KIRREL2: variants seen among roughly 807,000 people sequenced by gnomAD.
KIRREL2 encodes the protein kirre like nephrin family adhesion molecule 2.
Under a neutral mutation model 73.4 loss-of-function variants are expected in KIRREL2, and 56 were observed. The observed-to-expected ratio is 0.76, with a 90% CI of 0.62 to 0.95. KIRREL2 has a LOEUF of 0.95. Ranked by LOEUF, KIRREL2 falls within the 40% of genes least tolerant of loss-of-function variation. The pLI is 0.00. For missense variants in KIRREL2, 896 were observed against 935.0 expected (o/e 0.96, Z 0.54); for synonymous variants, 407 against 404.0 (o/e 1.01, Z -0.09).
At chr19:35,858,244 GT>G (rs1334731027) in intron 2 of KIRREL2, among the ~76,000 whole-genome samples, 163 bp from the exon 3 acceptor site, 1 of 152,102 alleles carries the variant, frequency 6.6e-6, no homozygotes, top group East Asian at 1.9e-4. Context: ...GTGACTCTGG[GT>G]TGGGAGGGAG....
intron 2 of KIRREL2, 70 bp downstream of exon 2, chr19:35,857,564 A>G (rs906166293): frequency 4.2e-6 from 6 of 1,424,960 alleles, no homozygotes; most frequent in Non-Finnish European, 5.6e-6. Flanking sequence ...CTGTACCTGC[A>G]GTTTCTATTT....
Position 35,864,709 on chromosome 19 carries a change from C to T in KIRREL2, c.1787C>T (p.Thr596Ile), listed in dbSNP as rs758550296. ...LVLEEEGTLE[T>I]KDPTNGYYKV... Reference sequence around the variant, plus strand: ...CTGGAGGAGGAAGGGACTCTGGAGACCAAGGTGAGTGTTGAGAGGGGTGGG... The same window carrying T: ...CTGGAGGAGGAAGGGACTCTGGAGATCAAGGTGAGTGTTGAGAGGGGTGGG... The change falls in exon 14 of 15, where the codon ACC (threonine) becomes ATC (isoleucine). Residue 596 changes from threonine (T) to isoleucine (I), a missense_variant. Physicochemically the swap from Thr to Ile is moderately conservative, Grantham distance 89. Transcript: ENST00000360202. 1 of 1,611,314 alleles carries T rather than the reference C, an allele frequency of 6.2e-7. No individual in the cohort carries two copies. The highest frequency in any genetic ancestry group is 8.5e-7 in the Non-Finnish European group (1 of 1,177,514).
Position 35,861,964 on chromosome 19 carries a change from A to C in KIRREL2, c.1450A>C (p.Asn484His). ...GGAGTCTGACTTTAGCAGGAGCTTT[A>C]ACTGCAGTGCCCGGAACCGGCTGGG... ...TQESDFSRSF[N>H]CSARNRLGEG... The change falls in exon 11 of 15, where the codon AAC becomes CAC. Residue 484 changes from asparagine (N) to histidine (H), a missense_variant. Transcript: ENST00000360202. 6.2e-7 allele frequency: 1 copy of C among 1,613,182 alleles called. No homozygotes were observed. Among genetic ancestry groups the C allele is most frequent in the South Asian group, 1.1e-5 (1 of 90,814 alleles).
At chr19:35,864,606 G>T (rs963856409) in intron 13 of KIRREL2, 42 bp from the exon 14 acceptor site, 3 of 1,534,222 alleles carry the variant, frequency 2.0e-6, no homozygotes, top group Non-Finnish European at 2.7e-6. Context: ...TGGGGCGGGG[G>T]GATCCTCTGA....
At chr19:35,864,116 C>T (rs1051657080) in intron 13 of KIRREL2, among the ~76,000 whole-genome samples, 8 of 152,008 alleles carry the variant, frequency 5.3e-5, no homozygotes, top group Non-Finnish European at 7.4e-5. Flanking sequence ...CCAAATGTCA[C>T]CCAAGTCCAT....
At position 35,861,559 on chromosome 19, in the gene KIRREL2, C is replaced by G; in HGVS notation, c.1208C>G (p.Ala403Gly). 6.2e-7 allele frequency: 1 copy of G among 1,613,966 alleles called. No individual in the cohort carries two copies. The highest frequency in any genetic ancestry group is 8.5e-7 in the Non-Finnish European group (1 of 1,179,958). The change falls in exon 10 of 15, where the codon GCC (alanine) becomes GGC (glycine). Residue 403 changes from alanine to glycine, a missense_variant. By Grantham distance (60) the Ala-to-Gly change is moderately conservative (BLOSUM62 0). Coordinates refer to ENST00000360202, the MANE Select transcript of KIRREL2 (RefSeq NM_199180.4). ...LTVNAPPVVT[A>G]LHSAPAFLRG... Reference sequence around the variant, plus strand: ...ATCCCAGCTCCCCCAGTAGTGACCGCCCTGCACTCTGCGCCTGCCTTCCTG... The same window carrying G: ...ATCCCAGCTCCCCCAGTAGTGACCGGCCTGCACTCTGCGCCTGCCTTCCTG...
rs115242517 is a variant in KIRREL2, at chr19:35,862,300, C to A, written c.1511-193C>A. 7.3e-3 allele frequency among the ~76,000 whole-genome samples: 1,114 copies of A among 152,290 alleles called. 17 individuals are homozygous for A. The highest frequency in any genetic ancestry group is 0.026 in the African/African-American group (1,067 of 41,560). ...CAAAGCAAATTGCAAAGTAAAGGAC[C>A]CCTCAAATTCTAAGACTCCCTAAAG... On this transcript the variant is annotated intron_variant, in intron 11 of 14. Transcript: ENST00000360202.
intron 14 of KIRREL2, among the ~76,000 whole-genome samples, chr19:35,864,957 C>T (rs1393963679): frequency 1.3e-5 from 2 of 152,052 alleles, no homozygotes; most frequent in African/African-American, 4.8e-5. Flanking sequence ...CCATCTGGAG[C>T]CCCAGACCAG....
chr19:35,860,739 TGGAGGGGCGGGGCCG>T, intron 7 of KIRREL2, 72 bp downstream of exon 7: 1 of 1,588,894 alleles, frequency 6.3e-7, no homozygotes, highest in Non-Finnish European at 8.5e-7. Context: ...GGTCGGGGCC[TGGAGGGGCGGGGCCG>T]GGAGAGCGAG....
At chr19:35,856,891 G>C (rs1042167210), upstream of KIRREL2, 8 of 595,660 alleles carry the variant, frequency 1.3e-5, no homozygotes, top group Non-Finnish European at 2.1e-5. The surrounding 1 kb of genome is among the most constrained non-coding windows in gnomAD (Gnocchi z 5.9). Flanking sequence ...GAGCGGGATC[G>C]GGCCCTCTTG....
At position 35,860,583 on chromosome 19, in the gene KIRREL2, G is replaced by A. The variant is rs368632197; in HGVS notation, c.844G>A (p.Ala282Thr). ...GCCAAGGTTAGAGGTCGTGGCAGACGCCTCGTTCCTGACTGAGCCCGTGTC... is the reference window on the plus strand; with the variant it reads ...GCCAAGGTTAGAGGTCGTGGCAGACACCTCGTTCCTGACTGAGCCCGTGTC... ...RGPRLEVVAD[A>T]SFLTEPVSCE... The change falls in exon 7 of 15, where the codon GCC becomes ACC. Residue 282 changes from alanine to threonine, a missense_variant. Ala to Thr is a moderately conservative substitution (Grantham distance 58). Coordinates refer to ENST00000360202, the MANE Select transcript of KIRREL2 (RefSeq NM_199180.4). The A allele has an allele frequency of 1.4e-5, 23 of 1,603,502 alleles. No homozygotes were observed. Among genetic ancestry groups the A allele is most frequent in the Non-Finnish European group, 1.8e-5 (21 of 1,179,972 alleles).
rs911860343 is a variant in KIRREL2, at chr19:35,866,291, C to A, written c.1926C>A (p.Phe642Leu). 64 of 1,612,794 alleles carry A rather than the reference C, an allele frequency of 4.0e-5. No individual in the cohort carries two copies. Among genetic ancestry groups the A allele is most frequent in the Non-Finnish European group, 5.3e-5 (62 of 1,179,032 alleles). The change falls in exon 15 of 15, where the codon TTC (phenylalanine) becomes TTA (leucine). Residue 642 changes from phenylalanine (F) to leucine (L), a missense_variant. By Grantham distance (22) the Phe-to-Leu change is conservative (BLOSUM62 0). Coordinates refer to ENST00000360202, the MANE Select transcript of KIRREL2 (RefSeq NM_199180.4). ...GPPGTPTFYD[F>L]NPHLGMVPPC... Reference sequence around the variant, plus strand: ...CAGGGACCCCTACCTTCTATGACTTCAACCCACACCTGGGCATGGTCCCCC... The same window carrying A: ...CAGGGACCCCTACCTTCTATGACTTAAACCCACACCTGGGCATGGTCCCCC...
chr19:35,857,270 C>T (rs949010073), intron 1 of KIRREL2, 75 bp from the exon 2 acceptor site: 66 of 1,605,806 alleles, frequency 4.1e-5, no homozygotes, highest in Non-Finnish European at 3.7e-5. Context: ...GAGCTGGGGG[C>T]TGGGACTCCT....
At chr19:35,853,947 C>T (rs1247355310), upstream of KIRREL2, among the ~76,000 whole-genome samples, 3 of 139,596 alleles carry the variant, frequency 2.1e-5, no homozygotes, top group Admixed American at 1.5e-4. Context: ...CAGGTCCAAG[C>T]GATTCTCCTG....
intron 6 of KIRREL2, 46 bp downstream of exon 6, chr19:35,860,448 G>A: frequency 1.2e-6 from 2 of 1,606,336 alleles, no homozygotes. Flanking sequence ...AGTGAGCTTG[G>A]GAAGGGCTGG....
At chr19:35,863,442 T>TA (rs1555768253) in intron 13 of KIRREL2, among the ~76,000 whole-genome samples, 1 of 147,540 alleles carries the variant, frequency 6.8e-6, no homozygotes, top group Non-Finnish European at 1.5e-5. Context: ...TTTTTTTTTT[T>TA]ATGTAGGAGG....
intron 13 of KIRREL2, among the ~76,000 whole-genome samples, chr19:35,863,424 A>AT (rs1410982721): frequency 0.057 from 6,806 of 120,286 alleles, 325 homozygotes; most frequent in African/African-American, 0.14. Flanking sequence ...CCCTGTCTCC[A>AT]TTTTTTTTTT....
In KIRREL2 at chr19:35,862,510, C is replaced by A. The variant is rs756798075; in HGVS notation, c.1528C>A (p.Arg510=). ...LGRRDLLPTV[R]IVAGVAAATT... The stretch of plus-strand genomic sequence containing the variant: ...CCCTGCAGACTTGCTGCCCACTGTG[C>A]GGATAGTGGCCGGAGTGGCCGCTGC... The change falls in exon 12 of 15, where the codon CGG becomes AGG. Residue 510 remains arginine, a synonymous_variant. Transcript: ENST00000360202. The A allele has an allele frequency of 2.9e-5, 46 of 1,609,744 alleles. No homozygotes were observed. In the East Asian group the frequency reaches 4.9e-4, roughly 17 times the overall value.
In KIRREL2 at chr19:35,865,471, T is replaced by C. The variant is rs376805979; in HGVS notation, c.1792-686T>C. Among the ~76,000 whole-genome samples the C allele has an allele frequency of 1.3e-4, 20 of 152,322 alleles. No homozygotes were observed. The East Asian group carries it at 2.7e-3, about 21-fold the overall frequency. ...CAGCCGACATGCCATTCTCTTGGCC[T>C]GAAACACTCCTACCTTCCTTCCCAT... On this transcript the variant is annotated intron_variant, in intron 14 of 14. Transcript: ENST00000360202.
Sources: allele counts gnomAD v4.1 joint callset (sites outside exome capture counted in the v4.1 genomes callset), GRCh38; gene constraint gnomAD v4.1.1; non-coding constraint Gnocchi (gnomAD v3.1); transcripts MANE v1.5; gene names NCBI Gene and HGNC (gene_info 2026-07-23, HGNC 2026-07-21).